The following MKLN1 variants were observed in gnomAD, a reference collection of about 807,000 sequenced individuals.
The protein encoded by MKLN1 is muskelin 1.
Under a neutral mutation model 99.0 loss-of-function variants are expected in MKLN1, and 18 were observed. The observed-to-expected ratio is 0.18, with a 90% CI of 0.13 to 0.27. The LOEUF (loss-of-function observed/expected upper bound fraction) is 0.27. MKLN1 is among the 10% of genes least tolerant of loss of function. The pLI is 1.00. For synonymous variants in MKLN1, 288 were observed against 293.2 expected (o/e 0.98, Z 0.18); for missense variants, 621 against 875.9 (o/e 0.71, Z 3.67).
Position 131,148,353 on chromosome 7 carries a change from T to C in MKLN1, c.-297+5412T>C, listed in dbSNP as rs369692831. Among the ~76,000 whole-genome samples, 8 of 152,280 alleles carry C rather than the reference T, an allele frequency of 5.3e-5. No homozygotes were observed. In the East Asian group the frequency reaches 1.5e-3, roughly 29 times the overall value. On this transcript the variant is annotated intron_variant, in intron 2 of 7. Transcript: ENST00000416992. ...TAAAAAGAAGACAAGACATAAAACA[T>C]TAAGAATGAAACAAGTTAAATTCAA...
chr7:131,494,533 C>A lies in MKLN1; in HGVS notation c.*6805C>A, dbSNP rs530177301. 6.6e-6 allele frequency: 1 copy of A among 151,930 alleles called. No individual in the cohort carries two copies. Among genetic ancestry groups the A allele is most frequent in the Non-Finnish European group, 1.5e-5 (1 of 67,998 alleles). The allele number at this position is 151,930 out of a possible 1,614,324, so 9.4% of individuals were successfully genotyped here. A position where few individuals can be genotyped will look rare whatever the true frequency, so the allele number is the denominator to read the frequency against. On this transcript the variant is annotated 3_prime_UTR_variant, in exon 18 of 18. Coordinates refer to ENST00000352689, the MANE Select transcript of MKLN1 (RefSeq NM_013255.5). The stretch of plus-strand genomic sequence containing the variant: ...AAAAGGTTACTTAGGAGTAGTCTTC[C>A]GTGGGGGAAGATAAATTTATTAAAG...
chr7:131,352,398 G>C (rs1288655496), intron 1 of MKLN1, among the ~76,000 whole-genome samples: 2 of 152,100 alleles, frequency 1.3e-5, no homozygotes, highest in African/African-American at 2.4e-5. Flanking sequence ...ATTTCTTTTA[G>C]ATCCTTCTAG....
chr7:131,278,180 C>A (rs1375451318), intron 3 of MKLN1, among the ~76,000 whole-genome samples: 11 of 152,022 alleles, frequency 7.2e-5, no homozygotes. Context: ...ATAGCTGGGA[C>A]TACAGGCACA....
At chr7:131,285,957 C>CTTT (rs1554546958) in intron 3 of MKLN1, among the ~76,000 whole-genome samples, 5 of 117,766 alleles carry the variant, frequency 4.2e-5, no homozygotes, top group South Asian at 2.7e-4. Flanking sequence ...CATCTATGGA[C>CTTT]TTTTTTTTTT....
chr7:131,248,940 A>T (rs1278979102), intron 3 of MKLN1, among the ~76,000 whole-genome samples: 1 of 152,198 alleles, frequency 6.6e-6, no homozygotes, highest in African/African-American at 2.4e-5. Context: ...TTATCTATGA[A>T]CACTGGTCAC....
intron 2 of MKLN1, among the ~76,000 whole-genome samples, chr7:131,382,370 C>A (rs167763): frequency 1 from 149,789 of 149,860 alleles, 74,859 homozygotes; most frequent in Middle Eastern, 1. Flanking sequence ...ATCTTTCTCC[C>A]AAAAAAAAAA....
intron 2 of MKLN1, among the ~76,000 whole-genome samples, chr7:131,178,821 A>T (rs1450141201): frequency 6.6e-6 from 1 of 152,184 alleles, no homozygotes; most frequent in Non-Finnish European, 1.5e-5. Flanking sequence ...TTCCTTAGAC[A>T]TAGCTTAATT....
intron 17 of MKLN1, among the ~76,000 whole-genome samples, chr7:131,483,157 C>G (rs1324753889): frequency 6.6e-6 from 1 of 152,134 alleles, no homozygotes; most frequent in South Asian, 2.1e-4. Context: ...GGTTTAGAAT[C>G]AATATCATCA....
At chr7:131,349,993 T>A (rs1799673203) in intron 1 of MKLN1, among the ~76,000 whole-genome samples, 1 of 129,144 alleles carries the variant, frequency 7.7e-6, no homozygotes, top group African/African-American at 2.8e-5. Context: ...TTGGTAGTGA[T>A]AAGTTGACTT....
At chr7:131,172,919 T>G (rs1300649911) in intron 2 of MKLN1, among the ~76,000 whole-genome samples, 1 of 152,184 alleles carries the variant, frequency 6.6e-6, no homozygotes, top group Non-Finnish European at 1.5e-5. Context: ...AGAGAGATTT[T>G]GATCCCCAGC....
At chr7:131,242,511 G>A (rs1033295868) in intron 3 of MKLN1, 11 of 267,524 alleles carry the variant, frequency 4.1e-5, no homozygotes, top group Non-Finnish European at 7.4e-5. Context: ...CCTCCAGGCT[G>A]GGTGACAGAG....
At chr7:131,453,425 A>T (rs1017514772) in intron 12 of MKLN1, among the ~76,000 whole-genome samples, 3 of 152,194 alleles carry the variant, frequency 2.0e-5, no homozygotes, top group Non-Finnish European at 4.4e-5. Flanking sequence ...AGAATAGATT[A>T]AACAGTATAT....
chr7:131,219,268 G>A (rs1797028582), intron 3 of MKLN1, among the ~76,000 whole-genome samples: 1 of 151,886 alleles, frequency 6.6e-6, no homozygotes, highest in Non-Finnish European at 1.5e-5. Context: ...CCAGAGGGCA[G>A]AGGCATTTCT....
At chr7:131,248,015 C>CCCAAGTAGCTGAGCA (rs1311615559) in intron 3 of MKLN1, among the ~76,000 whole-genome samples, 1 of 152,082 alleles carries the variant, frequency 6.6e-6, no homozygotes, top group East Asian at 1.9e-4. Context: ...CCTCCTACCT[C>CCCAAGTAGCTGAGCA]AGCCTCCCAA....
At chr7:131,284,775 G>T (rs566772012) in intron 3 of MKLN1, among the ~76,000 whole-genome samples, 2 of 152,206 alleles carry the variant, frequency 1.3e-5, no homozygotes, top group Non-Finnish European at 2.9e-5. Flanking sequence ...CTGCCAGCCC[G>T]CTGGGTGGTG....
chr7:131,175,255 G>GATAGATAGATAGATA (rs1458720319), intron 2 of MKLN1, among the ~76,000 whole-genome samples: 11 of 152,110 alleles, frequency 7.2e-5, no homozygotes, highest in African/African-American at 1.7e-4. Flanking sequence ...TGGATAGATA[G>GATAGATAGATAGATA]ATAGATAGAT....
intron 3 of MKLN1, among the ~76,000 whole-genome samples, chr7:131,237,875 G>C (rs1797347336): frequency 6.6e-6 from 1 of 152,142 alleles, no homozygotes; most frequent in African/African-American, 2.4e-5. Flanking sequence ...GGCTGGGTGT[G>C]GTAGCTCAGA....
chr7:131,175,045 T>TGGAA (rs1235859872), intron 2 of MKLN1, among the ~76,000 whole-genome samples: 6 of 150,102 alleles, frequency 4.0e-5, no homozygotes, highest in African/African-American at 1.2e-4. Context: ...GATGGATGGA[T>TGGAA]GGATGGATGG....
At chr7:131,248,662 A>T (rs1008498435) in intron 3 of MKLN1, among the ~76,000 whole-genome samples, 1 of 151,900 alleles carries the variant, frequency 6.6e-6, no homozygotes, top group African/African-American at 2.4e-5. Context: ...AGCAAAATCC[A>T]TTTTTTTTCT....
Sources: gnomAD v4.1 joint callset for allele counts (sites outside exome capture counted in the v4.1 genomes callset) on GRCh38, gnomAD v4.1.1 for gene constraint, MANE v1.5 for transcripts, NCBI Gene and HGNC (gene_info 2026-07-23, HGNC 2026-07-21) for gene names.